SYNE1: variants seen among roughly 807,000 people sequenced by gnomAD.
The protein encoded by SYNE1 is nesprin-1.
In SYNE1, 616 loss-of-function variants were observed where a neutral mutation model predicts 1,111.0. The ratio of observed to expected loss-of-function variants is 0.55; its 90% CI spans 0.52 to 0.59. The LOEUF is 0.59. Ranked by LOEUF, SYNE1 falls within the 20% of genes least tolerant of loss-of-function variation. The pLI is 0.00. For synonymous variants in SYNE1, 3,855 were observed against 3,825.8 expected (o/e 1.01, Z -0.28); for missense variants, 10,006 against 10,417.0 (o/e 0.96, Z 1.72).
chr6:152,199,883 T>C (rs1052790618), intron 127 of SYNE1, among the ~76,000 whole-genome samples: 1 of 152,212 alleles, frequency 6.6e-6, no homozygotes, highest in South Asian at 2.1e-4. Context: ...ACACACTCAA[T>C]AGCAGCGTGT....
In SYNE1 at chr6:152,233,977, C is replaced by G; in HGVS notation, c.20530-14G>C. 1 of 1,612,866 alleles carries G rather than the reference C, an allele frequency of 6.2e-7. No homozygotes were observed. Reference sequence around the variant, plus strand: ...TTTAGAAAACTCCTGAAACAAGTAGCGATGTTCAAATTAGGGTTAAATAGC... The same window carrying G: ...TTTAGAAAACTCCTGAAACAAGTAGGGATGTTCAAATTAGGGTTAAATAGC... On this transcript the variant is annotated splice_polypyrimidine_tract_variant and intron_variant, in intron 111 of 145. Coordinates refer to ENST00000367255, the MANE Select transcript of SYNE1 (RefSeq NM_182961.4).
At chr6:152,354,540 A>G (rs1461916181) in intron 67 of SYNE1, 119 bp downstream of exon 67, 1 of 1,116,904 alleles carries the variant, frequency 9.0e-7, no homozygotes, top group East Asian at 2.4e-5. Context: ...CTTTCTAGGT[A>G]ATCAAAAAGA....
chr6:152,364,593 A>T (rs1591170467), intron 63 of SYNE1, among the ~76,000 whole-genome samples: 1 of 152,062 alleles, frequency 6.6e-6, no homozygotes, highest in African/African-American at 2.4e-5. Flanking sequence ...CTAATAAGAA[A>T]AAAGAAAGAA....
At chr6:152,565,665 AG>A (rs1484398824) in intron 3 of SYNE1, among the ~76,000 whole-genome samples, 1 of 150,634 alleles carries the variant, frequency 6.6e-6, no homozygotes, top group Admixed American at 6.6e-5. Flanking sequence ...TCCCTGCTGA[AG>A]TTTAAAAAAA....
At chr6:152,323,888 T>C in intron 81 of SYNE1, 151 bp from the exon 82 acceptor site, 1 of 849,126 alleles carries the variant, frequency 1.2e-6, no homozygotes, top group Non-Finnish European at 1.8e-6. Context: ...CTGAGCAACC[T>C]TCTTAACATG....
At chr6:152,294,258 A>C (rs1443292784) in intron 93 of SYNE1, 131 bp from the exon 94 acceptor site, 2 of 855,304 alleles carry the variant, frequency 2.3e-6, no homozygotes, top group East Asian at 2.7e-5. Flanking sequence ...CAAACTAGTA[A>C]ATTAGTAAAC....
At chr6:152,571,057 C>G (rs1234335877) in intron 3 of SYNE1, among the ~76,000 whole-genome samples, 2 of 152,018 alleles carry the variant, frequency 1.3e-5, no homozygotes, top group Non-Finnish European at 2.9e-5. Context: ...GATGTTTACT[C>G]TGGTCTTTTT....
intron 28 of SYNE1, among the ~76,000 whole-genome samples, chr6:152,448,164 A>G (rs1269477841): frequency 1.3e-5 from 2 of 152,260 alleles, no homozygotes; most frequent in Admixed American, 6.5e-5. Context: ...TATCCCATAT[A>G]GCAAGAAGTA....
chr6:152,580,962 ATC>A (rs2099517203), intron 3 of SYNE1, among the ~76,000 whole-genome samples: 1 of 152,248 alleles, frequency 6.6e-6, no homozygotes, highest in African/African-American at 2.4e-5. Context: ...ATTGGGCTAC[ATC>A]TGTTAATACC....
At chr6:152,161,317 TTTTC>T (rs2062452116) in intron 131 of SYNE1, among the ~76,000 whole-genome samples, 1 of 146,884 alleles carries the variant, frequency 6.8e-6, no homozygotes, top group Non-Finnish European at 1.5e-5. Context: ...CTCCTCTCTA[TTTTC>T]TTTATTTTTT....
intron 3 of SYNE1, among the ~76,000 whole-genome samples, chr6:152,568,627 G>T (rs936493154): frequency 6.6e-5 from 10 of 152,080 alleles, no homozygotes; most frequent in Non-Finnish European, 1.3e-4. Flanking sequence ...TAGAGACAGG[G>T]TCTCTCTATG....
intron 66 of SYNE1, 133 bp from the exon 67 acceptor site, chr6:152,355,109 T>C (rs1223118135): frequency 4.3e-6 from 4 of 921,818 alleles, no homozygotes; most frequent in Non-Finnish European, 6.7e-6. Context: ...TTATGCCCTA[T>C]ACAAAAATAT....
chr6:152,146,159 G>C (rs1003555939), intron 137 of SYNE1: 7 of 154,134 alleles, frequency 4.5e-5, no homozygotes, highest in Admixed American at 1.3e-4. Flanking sequence ...CCATTTTATA[G>C]ATGAGAAAAC....
chr6:152,400,526 G>T (rs1308227811), intron 47 of SYNE1, among the ~76,000 whole-genome samples: 1 of 152,052 alleles, frequency 6.6e-6, no homozygotes, highest in Non-Finnish European at 1.5e-5. Context: ...AGCTGGGCAT[G>T]GTGGTGGGTG....
At chr6:152,548,761 A>T (rs1457052855) in intron 3 of SYNE1, among the ~76,000 whole-genome samples, 2 of 152,198 alleles carry the variant, frequency 1.3e-5, no homozygotes, top group African/African-American at 4.8e-5. Flanking sequence ...CCTGTGGTCC[A>T]ACTATGCATC....
chr6:152,510,415 T>G (rs766554093), intron 7 of SYNE1, 44 bp from the exon 8 acceptor site: 2 of 1,596,812 alleles, frequency 1.3e-6, no homozygotes, highest in East Asian at 4.5e-5. Context: ...GCATTATCTT[T>G]GTTATTATTT....
chr6:152,485,050 A>G, intron 12 of SYNE1, 78 bp from the exon 13 acceptor site: 1 of 1,472,214 alleles, frequency 6.8e-7, no homozygotes, highest in Non-Finnish European at 9.3e-7. Flanking sequence ...TTCCTAAATA[A>G]CAATCTTTTC....
At chr6:152,300,840 T>A (rs1247047571) in intron 92 of SYNE1, 59 bp from the exon 93 acceptor site, 5 of 1,613,266 alleles carry the variant, frequency 3.1e-6, no homozygotes, top group Non-Finnish European at 4.2e-6. Flanking sequence ...TTAACATAAG[T>A]CCTGTTCAGG....
In SYNE1 at chr6:152,449,530, T is replaced by G; in HGVS notation, c.3504+3A>C. The G allele has an allele frequency of 6.2e-7, 1 of 1,610,956 alleles. No individual in the cohort carries two copies. Among genetic ancestry groups the G allele is most frequent in the Non-Finnish European group, 8.5e-7 (1 of 1,177,034 alleles). On this transcript the variant is annotated splice_donor_region_variant and intron_variant, in intron 28 of 145. Transcript: ENST00000367255. ...CTCTAGCAAATAATGACCCTGAACT[T>G]ACTTCAACGGCACGTTTAACCTCTC...
Sources: allele counts gnomAD v4.1 joint callset (sites outside exome capture counted in the v4.1 genomes callset), GRCh38; gene constraint gnomAD v4.1.1; transcripts MANE v1.5; gene names NCBI Gene and HGNC (gene_info 2026-07-23, HGNC 2026-07-21).